COLGALT2: variants seen among roughly 807,000 people sequenced by gnomAD.
The protein encoded by COLGALT2 is procollagen galactosyltransferase 2.
Under a neutral mutation model 73.4 loss-of-function variants are expected in COLGALT2, and 49 were observed. The observed-to-expected ratio is 0.67, with a 90% CI of 0.53 to 0.85. COLGALT2 has a LOEUF of 0.85. COLGALT2 is among the 40% of genes least tolerant of loss of function. The pLI, the probability that COLGALT2 is intolerant of heterozygous loss-of-function variation, is 0.00. For synonymous variants in COLGALT2, 295 were observed against 307.6 expected (o/e 0.96, Z 0.43); for missense variants, 722 against 790.2 (o/e 0.91, Z 1.03).
intron 2 of COLGALT2, among the ~76,000 whole-genome samples, chr1:183,976,363 T>TTA (rs1245395877): frequency 7.8e-6 from 1 of 128,390 alleles, no homozygotes; most frequent in Non-Finnish European, 1.7e-5. Flanking sequence ...TATATCATAT[T>TTA]TATATATATT....
At chr1:184,035,052 T>C (rs1289935525) in intron 1 of COLGALT2, among the ~76,000 whole-genome samples, 5 of 152,236 alleles carry the variant, frequency 3.3e-5, no homozygotes, top group South Asian at 2.1e-4. Context: ...AGCATGGCCT[T>C]GCACTTCTTG....
chr1:183,974,933 A>G (rs1010225421), intron 3 of COLGALT2, among the ~76,000 whole-genome samples, 164 bp downstream of exon 3: 1 of 152,176 alleles, frequency 6.6e-6, no homozygotes, highest in African/African-American at 2.4e-5. Flanking sequence ...AGGTAGCCCA[A>G]TTTTAAACTA....
At chr1:183,949,331 T>A (rs529642075) in intron 8 of COLGALT2, among the ~76,000 whole-genome samples, 1 of 152,258 alleles carries the variant, frequency 6.6e-6, no homozygotes, top group South Asian at 2.1e-4. Context: ...ACTTCTTAAA[T>A]ACAAAGCTAC....
chr1:183,937,278 GGGA>G lies in COLGALT2; in HGVS notation c.*1480_*1482del, dbSNP rs1669981715. 1.7e-6 allele frequency: 2 copies of G among 1,146,086 alleles called. No individual in the cohort carries two copies. Among genetic ancestry groups the G allele is most frequent in the Admixed American group, 4.8e-5 (1 of 20,994 alleles). 71.0% of individuals were successfully genotyped at this position (1,146,086 alleles called of 1,614,324 possible). ...GGAACGGTGCTGGTATGGGATGCCT[GGGA>G]GGGTTTTTCTGGAGACAAAAATTTA... is the stretch of plus-strand genomic sequence containing the variant. On this transcript the variant is annotated 3_prime_UTR_variant, in exon 12 of 12. Transcript: ENST00000361927.
chr1:183,948,778 C>G (rs1670315433), intron 8 of COLGALT2, among the ~76,000 whole-genome samples: 1 of 152,138 alleles, frequency 6.6e-6, no homozygotes, highest in Non-Finnish European at 1.5e-5. Flanking sequence ...ACATATAACA[C>G]TATCTCTACT....
chr1:183,945,350 C>T, intron 9 of COLGALT2, 82 bp downstream of exon 9: 1 of 1,498,540 alleles, frequency 6.7e-7, no homozygotes, highest in Non-Finnish European at 9.1e-7. Context: ...GCTCACTTTA[C>T]ATCTGGCCCT....
At chr1:183,948,365 A>G (rs1670303151) in intron 8 of COLGALT2, among the ~76,000 whole-genome samples, 1 of 152,204 alleles carries the variant, frequency 6.6e-6, no homozygotes, top group Admixed American at 6.5e-5. Context: ...TATAAAAGGA[A>G]TTATACAGCA....
intron 1 of COLGALT2, among the ~76,000 whole-genome samples, chr1:183,999,148 G>A (rs1322614963): frequency 6.6e-6 from 1 of 152,006 alleles, no homozygotes; most frequent in Non-Finnish European, 1.5e-5. Context: ...ATTGGGTTGA[G>A]AAAATTTTCT....
At chr1:183,943,785 C>T (rs1010803603) in intron 10 of COLGALT2, among the ~76,000 whole-genome samples, 6 of 152,294 alleles carry the variant, frequency 3.9e-5, no homozygotes, top group African/African-American at 9.6e-5. Flanking sequence ...CCTGCTGTCC[C>T]GGGAGCTGAG....
chr1:183,961,927 C>G (rs573583216), intron 6 of COLGALT2, among the ~76,000 whole-genome samples: 97 of 152,060 alleles, frequency 6.4e-4, no homozygotes, highest in Non-Finnish European at 1.1e-3. Context: ...TCACAGTGAA[C>G]CAGCTCCTTA....
At chr1:184,025,823 T>G (rs1451566051) in intron 1 of COLGALT2, among the ~76,000 whole-genome samples, 2 of 152,166 alleles carry the variant, frequency 1.3e-5, no homozygotes, top group Non-Finnish European at 2.9e-5. Context: ...GATCTAAAGT[T>G]GGGCTGAGGG....
In COLGALT2 at chr1:183,978,529, G is replaced by C; in HGVS notation, c.264-9C>G. ...TGTGATCAGTGGCTGCCCTGCATGA[G>C]AGAAAGCACAATATAGTTTAACTAT... is the stretch of plus-strand genomic sequence containing the variant. On this transcript the variant is annotated splice_polypyrimidine_tract_variant and intron_variant, in intron 1 of 11. Coordinates refer to ENST00000361927, the MANE Select transcript of COLGALT2 (RefSeq NM_015101.4). The C allele has an allele frequency of 6.7e-7, 1 of 1,494,950 alleles. No homozygotes were observed. Among genetic ancestry groups the C allele is most frequent in the Non-Finnish European group, 9.3e-7 (1 of 1,074,158 alleles). The allele number at this position is 1,494,950 out of a possible 1,614,324, so 92.6% of individuals were successfully genotyped here.
intron 11 of COLGALT2, among the ~76,000 whole-genome samples, chr1:183,940,249 T>C (rs1322098730): frequency 6.6e-6 from 1 of 152,152 alleles, no homozygotes; most frequent in African/African-American, 2.4e-5. Context: ...AATTTTGAGG[T>C]GCTTAGGAAG....
chr1:183,985,016 A>G (rs903467284), intron 1 of COLGALT2, among the ~76,000 whole-genome samples: 9 of 152,064 alleles, frequency 5.9e-5, no homozygotes, highest in Non-Finnish European at 1.2e-4. Flanking sequence ...AAAAAAATTG[A>G]GATTTATCTG....
At chr1:183,974,400 CA>C (rs1671134884) in intron 3 of COLGALT2, among the ~76,000 whole-genome samples, 1 of 152,158 alleles carries the variant, frequency 6.6e-6, no homozygotes, top group South Asian at 2.1e-4. Context: ...GGTTTTATCA[CA>C]ATAAAAAATT....
chr1:184,031,380 T>C (rs370188790), intron 1 of COLGALT2, among the ~76,000 whole-genome samples: 4 of 152,260 alleles, frequency 2.6e-5, no homozygotes, highest in Middle Eastern at 3.4e-3. Context: ...CCCTATGAAA[T>C]ATACCAAAAC....
chr1:184,011,966 T>C (rs1453749890), intron 1 of COLGALT2, among the ~76,000 whole-genome samples: 2 of 152,292 alleles, frequency 1.3e-5, no homozygotes, highest in East Asian at 3.9e-4. Context: ...AAGAAAACTA[T>C]AAGAAAATAA....
chr1:184,035,072 C>T (rs1351738918), intron 1 of COLGALT2, among the ~76,000 whole-genome samples: 1 of 152,176 alleles, frequency 6.6e-6, no homozygotes, highest in Non-Finnish European at 1.5e-5. Context: ...GCTTAACCTG[C>T]CAATGCTGGA....
intron 1 of COLGALT2, among the ~76,000 whole-genome samples, chr1:184,026,938 G>C (rs748624981): frequency 2.0e-4 from 30 of 152,120 alleles, no homozygotes; most frequent in Non-Finnish European, 1.2e-4. Flanking sequence ...CATTGTGTAA[G>C]ATACACTGAA....
Sources: gnomAD v4.1 joint callset for allele counts (sites outside exome capture counted in the v4.1 genomes callset) on GRCh38, gnomAD v4.1.1 for gene constraint, MANE v1.5 for transcripts, NCBI Gene and HGNC (gene_info 2026-07-23, HGNC 2026-07-21) for gene names.